The following SMCO1 variants were observed in gnomAD, a reference collection of about 807,000 sequenced individuals.
SMCO1 encodes single-pass membrane and coiled-coil domain-containing protein 1.
A neutral mutation model predicts 7.5 loss-of-function variants in SMCO1; 9 were observed. That is an observed-to-expected ratio of 1.20 (90% confidence interval 0.72 to 2.09). The LOEUF (loss-of-function observed/expected upper bound fraction) is 2.09, where lower values mean the gene tolerates loss of function less well. Among genes scored for constraint, SMCO1 ranks in the 30% most tolerant of loss-of-function variants. SMCO1 has a pLI of 0.00. For synonymous variants in SMCO1, 90 were observed against 93.8 expected, an observed-to-expected ratio of 0.96 and a Z score of 0.23; for missense variants, 219 against 253.1, an observed-to-expected ratio of 0.87 and a Z score of 0.91.
Position 196,507,853 on chromosome 3 carries a change from T to C in SMCO1, c.*34A>G. 7.3e-7 allele frequency: 1 copy of C among 1,362,880 alleles called. No homozygotes were observed. The highest frequency in any genetic ancestry group is 1.0e-6 in the Non-Finnish European group (1 of 980,700). The allele number at this position is 1,362,880 out of a possible 1,614,324, so 84.4% of individuals were successfully genotyped here. ...TTTTGCTGTTTCCAAGATAAATTACTGTAGGTGGAATCACTGGGTCATAGG... is the reference window on the plus strand; with the variant it reads ...TTTTGCTGTTTCCAAGATAAATTACCGTAGGTGGAATCACTGGGTCATAGG... On this transcript the variant is annotated 3_prime_UTR_variant, in exon 3 of 3. Transcript: ENST00000397537.
rs993328164 is a variant in SMCO1, at chr3:196,507,145, G to A, written c.*742C>T. The A allele has an allele frequency of 1.3e-5, 2 of 152,250 alleles. No individual in the cohort carries two copies. The highest frequency in any genetic ancestry group is 4.8e-5 in the African/African-American group (2 of 41,454). The allele number at this position is 152,250 out of a possible 1,614,324, so 9.4% of individuals were successfully genotyped here. The stretch of plus-strand genomic sequence containing the variant: ...CCAATCAGGAGAGAGGGTGCCAGAC[G>A]AGAATGGGAGCTCTCAGTCTGGCTC... On this transcript the variant is annotated 3_prime_UTR_variant, in exon 3 of 3. Coordinates refer to ENST00000397537, the MANE Select transcript of SMCO1 (RefSeq NM_001077657.3).
intron 1 of SMCO1, among the ~76,000 whole-genome samples, chr3:196,512,746 G>A (rs1053103304): frequency 1.3e-5 from 2 of 151,882 alleles, no homozygotes; most frequent in East Asian, 1.9e-4. Flanking sequence ...GACCTCAGGC[G>A]ATCCGCCCAC....
chr3:196,510,482 C>T (rs1479337782), intron 1 of SMCO1, among the ~76,000 whole-genome samples: 2 of 152,070 alleles, frequency 1.3e-5, no homozygotes, highest in African/African-American at 4.8e-5. Context: ...CCCTTTGCTC[C>T]TATCTTCCGC....
intron 2 of SMCO1, 62 bp downstream of exon 2, chr3:196,509,458 A>G: frequency 7.1e-7 from 1 of 1,404,494 alleles, no homozygotes. Flanking sequence ...TCAATTTTGC[A>G]ATGACCAGTG....
At chr3:196,515,983 GATAGGATATATATAT>G (rs1171966660), upstream of SMCO1, among the ~76,000 whole-genome samples, 579 of 81,854 alleles carry the variant, frequency 7.1e-3, 12 homozygotes, top group Middle Eastern at 0.027. Flanking sequence ...CGGGCAAGAG[GATAGGATATATATAT>G]ATATATATAT....
In SMCO1 at chr3:196,513,486, G is replaced by A. The variant is rs890365866; in HGVS notation, c.50+1674C>T. Among the ~76,000 whole-genome samples the A allele has an allele frequency of 3.9e-5, 6 of 151,946 alleles. No homozygotes were observed. The East Asian group carries it at 5.8e-4, about 15-fold the overall frequency. ...TTTACTAAAAATACAAAAATTAGCC[G>A]GGTGTGGTGATGCACACCTGTAGTC... is the stretch of plus-strand genomic sequence containing the variant. On this transcript the variant is annotated intron_variant, in intron 1 of 2. Coordinates refer to ENST00000397537, the MANE Select transcript of SMCO1 (RefSeq NM_001077657.3).
intron 1 of SMCO1, among the ~76,000 whole-genome samples, chr3:196,512,947 A>G (rs1365867266): frequency 6.6e-6 from 1 of 152,186 alleles, no homozygotes; most frequent in Non-Finnish European, 1.5e-5. Context: ...CTTTACACAT[A>G]GATAAGACTC....
chr3:196,518,515 A>G (rs1733433512), upstream of SMCO1, among the ~76,000 whole-genome samples: 2 of 152,160 alleles, frequency 1.3e-5, no homozygotes, highest in African/African-American at 4.8e-5. Flanking sequence ...GGGTTTCGCC[A>G]TGTTGGCCAG....
upstream of SMCO1, among the ~76,000 whole-genome samples, chr3:196,516,535 G>T (rs1332242759): frequency 2.0e-5 from 3 of 152,174 alleles, no homozygotes; most frequent in Admixed American, 6.6e-5. Flanking sequence ...AAACTGGTAA[G>T]AGCCATGTCA....
intron 2 of SMCO1, among the ~76,000 whole-genome samples, chr3:196,508,795 G>A (rs1258531164): frequency 1.3e-5 from 2 of 150,572 alleles, no homozygotes; most frequent in Admixed American, 6.6e-5. Flanking sequence ...AAATTAGCTG[G>A]GCATGGTGGC....
chr3:196,516,091 A>C (rs1370722750), upstream of SMCO1, among the ~76,000 whole-genome samples: 1 of 142,412 alleles, frequency 7.0e-6, no homozygotes, highest in African/African-American at 2.5e-5. Context: ...CGTATATAAA[A>C]TATATATATA....
Position 196,515,327 on chromosome 3 carries a change from G to A in SMCO1, c.-118C>T, listed in dbSNP as rs996786012. On this transcript the variant is annotated 5_prime_UTR_variant, in exon 1 of 3. Coordinates refer to ENST00000397537, the MANE Select transcript of SMCO1 (RefSeq NM_001077657.3). ...AGCAACAGGCAGCAGTAGCAGGAGC[G>A]CTCAGTCTACATTCTGCCTGAAAGG... 4.0e-6 allele frequency: 3 copies of A among 741,496 alleles called. No individual in the cohort carries two copies. The highest frequency in any genetic ancestry group is 7.1e-6 in the Non-Finnish European group (3 of 419,744). The allele number at this position is 741,496 out of a possible 1,614,324, so 45.9% of individuals were successfully genotyped here. A position where few individuals can be genotyped will look rare whatever the true frequency, so the allele number is the denominator to read the frequency against.
chr3:196,517,792 C>G (rs1329384753), upstream of SMCO1, among the ~76,000 whole-genome samples: 1 of 152,194 alleles, frequency 6.6e-6, no homozygotes, highest in Non-Finnish European at 1.5e-5. Context: ...GCCTCAGCTC[C>G]CCTAGTAGCT....
At chr3:196,516,960 A>G (rs192408272), upstream of SMCO1, among the ~76,000 whole-genome samples, 577 of 152,028 alleles carry the variant, frequency 3.8e-3, 6 homozygotes, top group African/African-American at 0.013. Context: ...TTAGCTGGGC[A>G]TGGTGGCACA....
chr3:196,515,832 C>T (rs982876741), upstream of SMCO1, among the ~76,000 whole-genome samples: 2 of 150,596 alleles, frequency 1.3e-5, no homozygotes, highest in Admixed American at 6.7e-5. Context: ...GAGACTGTCT[C>T]CACAAAAAAT....
At chr3:196,514,274 G>C (rs771159571) in intron 1 of SMCO1, among the ~76,000 whole-genome samples, 1 of 152,116 alleles carries the variant, frequency 6.6e-6, no homozygotes, top group Non-Finnish European at 1.5e-5. Context: ...ACCCATCCTA[G>C]TTACCAATTA....
intron 1 of SMCO1, among the ~76,000 whole-genome samples, chr3:196,512,205 G>A: frequency 6.9e-6 from 1 of 144,924 alleles, no homozygotes; most frequent in Non-Finnish European, 1.5e-5. Flanking sequence ...CTAGATTGTG[G>A]TTATGAGAGA....
At chr3:196,519,944 C>T (rs1222973496), upstream of SMCO1, among the ~76,000 whole-genome samples, 1 of 152,006 alleles carries the variant, frequency 6.6e-6, no homozygotes, top group Non-Finnish European at 1.5e-5. Context: ...TCGGGGGGGA[C>T]GCTCCCACTG....
intron 1 of SMCO1, among the ~76,000 whole-genome samples, chr3:196,514,845 G>A (rs1174244287): frequency 6.6e-6 from 1 of 152,154 alleles, no homozygotes; most frequent in Non-Finnish European, 1.5e-5. Flanking sequence ...GGGTTCAAGT[G>A]ATTCTCCTGC....
Sources: allele counts gnomAD v4.1 joint callset (sites outside exome capture counted in the v4.1 genomes callset), GRCh38; gene constraint gnomAD v4.1.1; transcripts MANE v1.5; gene names NCBI Gene and HGNC (gene_info 2026-07-23, HGNC 2026-07-21).